NOS1AP: variants seen among roughly 807,000 people sequenced by gnomAD.
NOS1AP encodes the protein nitric oxide synthase 1 adaptor protein.
Under a neutral mutation model 56.2 loss-of-function variants are expected in NOS1AP, and 21 were observed. The ratio of observed to expected loss-of-function variants is 0.37; its 90% CI spans 0.26 to 0.54. NOS1AP has a LOEUF of 0.54. Among genes scored for constraint, NOS1AP ranks in the 20% least tolerant of loss-of-function variants. The pLI, the probability that NOS1AP is intolerant of heterozygous loss-of-function variation, is 0.84. For missense variants in NOS1AP, 522 were observed against 657.8 expected (o/e 0.79, Z 2.26); for synonymous variants, 270 against 274.6 (o/e 0.98, Z 0.17).
chr1:162,098,223 C>T (rs1692293724), intron 1 of NOS1AP, among the ~76,000 whole-genome samples: 1 of 150,376 alleles, frequency 6.6e-6, no homozygotes, highest in Admixed American at 6.7e-5. Flanking sequence ...CTTCCTGCCT[C>T]AGCCTTCTGA....
intron 1 of NOS1AP, among the ~76,000 whole-genome samples, chr1:162,116,213 T>C (rs1349673943): frequency 6.6e-6 from 1 of 152,200 alleles, no homozygotes; most frequent in Non-Finnish European, 1.5e-5. Flanking sequence ...GCAGTCTGTG[T>C]CACCATCGTC....
intron 4 of NOS1AP, among the ~76,000 whole-genome samples, chr1:162,310,169 C>T (rs571997279): frequency 1.2e-4 from 18 of 152,218 alleles, no homozygotes; most frequent in East Asian, 3.9e-4. Context: ...TCTCCATTCC[C>T]GTTAGACTCT....
At chr1:162,098,543 C>T (rs1050724960) in intron 1 of NOS1AP, among the ~76,000 whole-genome samples, 4 of 150,460 alleles carry the variant, frequency 2.7e-5, no homozygotes, top group Non-Finnish European at 5.9e-5. Context: ...GGTACATGTG[C>T]CAGATGTCCA....
intron 2 of NOS1AP, among the ~76,000 whole-genome samples, chr1:162,215,767 G>A (rs1020036021): frequency 2.0e-5 from 3 of 152,228 alleles, no homozygotes; most frequent in Non-Finnish European, 4.4e-5. Flanking sequence ...CTCAAGCCAG[G>A]ACTGTTGTGA....
chr1:162,200,889 G>A (rs1651970380), intron 2 of NOS1AP, among the ~76,000 whole-genome samples: 1 of 152,220 alleles, frequency 6.6e-6, no homozygotes, highest in Non-Finnish European at 1.5e-5. Context: ...ACACTGTGAT[G>A]AATTTAGAGC....
At chr1:162,180,990 C>T (rs1432453654) in intron 2 of NOS1AP, among the ~76,000 whole-genome samples, 1 of 152,244 alleles carries the variant, frequency 6.6e-6, no homozygotes, top group Non-Finnish European at 1.5e-5. Context: ...CAGCTATCCT[C>T]AAGGTCTATC....
At chr1:162,166,999 C>G (rs565261422) in intron 2 of NOS1AP, among the ~76,000 whole-genome samples, 1 of 152,174 alleles carries the variant, frequency 6.6e-6, no homozygotes, top group Non-Finnish European at 1.5e-5. Context: ...TGAGCAGAGC[C>G]CTGCTGCCTC....
intron 8 of NOS1AP, among the ~76,000 whole-genome samples, chr1:162,358,881 A>G (rs1657792575): frequency 6.6e-6 from 1 of 152,210 alleles, no homozygotes; most frequent in African/African-American, 2.4e-5. Flanking sequence ...GAGAGAAACT[A>G]TTTGCAAATG....
intron 2 of NOS1AP, among the ~76,000 whole-genome samples, chr1:162,184,223 T>A (rs1402406493): frequency 6.6e-6 from 1 of 152,176 alleles, no homozygotes; most frequent in African/African-American, 2.4e-5. Flanking sequence ...CATACACATT[T>A]ATGGATTAAG....
At chr1:162,230,759 T>A (rs766954233) in intron 2 of NOS1AP, among the ~76,000 whole-genome samples, 3 of 152,240 alleles carry the variant, frequency 2.0e-5, no homozygotes, top group Non-Finnish European at 4.4e-5. Flanking sequence ...TGTTTTTTTG[T>A]AATGGGCTTA....
intron 4 of NOS1AP, among the ~76,000 whole-genome samples, chr1:162,307,895 A>C (rs963932251): frequency 2.6e-5 from 4 of 152,190 alleles, no homozygotes; most frequent in African/African-American, 9.7e-5. Flanking sequence ...GAGCAAGTCA[A>C]AGTTAAATTA....
chr1:162,147,541 A>G (rs1239657837), intron 1 of NOS1AP, among the ~76,000 whole-genome samples: 1 of 152,146 alleles, frequency 6.6e-6, no homozygotes, highest in Non-Finnish European at 1.5e-5. Context: ...ACCAGGGGCC[A>G]CAACAGTAGA....
At chr1:162,198,977 A>G (rs552401897) in intron 2 of NOS1AP, among the ~76,000 whole-genome samples, 6 of 152,312 alleles carry the variant, frequency 3.9e-5, no homozygotes, top group African/African-American at 1.4e-4. Flanking sequence ...ACCCCTCCGC[A>G]TAATGCCCTG....
intron 2 of NOS1AP, among the ~76,000 whole-genome samples, chr1:162,216,734 A>T (rs1350755000): frequency 6.6e-6 from 1 of 152,216 alleles, no homozygotes; most frequent in Non-Finnish European, 1.5e-5. Context: ...TGTGATAAGA[A>T]TGTTATAAGA....
intron 2 of NOS1AP, among the ~76,000 whole-genome samples, chr1:162,172,007 C>T (rs1650810217): frequency 6.6e-6 from 1 of 152,208 alleles, no homozygotes; most frequent in South Asian, 2.1e-4. Context: ...GTTGGGGCTT[C>T]AGCCAGTGAG....
Position 162,327,550 on chromosome 1 carries a change from A to G in NOS1AP, c.345-5467A>G, listed in dbSNP as rs189269503. ...AGCAGATGGTCTGTGAGAACTTGGAAAAGGAAATCATGAACACTGAGAGCT... is the reference window on the plus strand; with the variant it reads ...AGCAGATGGTCTGTGAGAACTTGGAGAAGGAAATCATGAACACTGAGAGCT... On this transcript the variant is annotated intron_variant, in intron 4 of 9. Coordinates refer to ENST00000361897, the MANE Select transcript of NOS1AP (RefSeq NM_014697.3). Among the ~76,000 whole-genome samples the G allele has an allele frequency of 5.5e-4, 84 of 152,364 alleles. No individual in the cohort carries two copies. In the East Asian group the frequency reaches 0.014, roughly 25 times the overall value.
intron 2 of NOS1AP, among the ~76,000 whole-genome samples, chr1:162,274,323 TG>T (rs1229950123): frequency 1.3e-5 from 2 of 151,992 alleles, no homozygotes; most frequent in Non-Finnish European, 2.9e-5. Flanking sequence ...GTGGTTTATT[TG>T]GGGGAACTTA....
rs71581447 is a variant in NOS1AP at position 162,099,197 on chromosome 1, G to GTT, written c.105+28926_105+28927dup. ...TCTGTTACTTTTTGACTTTTTTTTT[G>GTT]TTTTTTTTTTTTGAGATGGAGTCTC... On this transcript the variant is annotated intron_variant, in intron 1 of 9. Coordinates refer to ENST00000361897, the MANE Select transcript of NOS1AP (RefSeq NM_014697.3). Among the ~76,000 whole-genome samples the GTT allele has an allele frequency of 3.2e-3, 455 of 141,296 alleles. 3 individuals carry two copies. The highest frequency in any genetic ancestry group is 4.3e-3 in the Non-Finnish European group (284 of 65,858). The allele number at this position is 141,296 out of a possible 152,430, so 92.7% of individuals were successfully genotyped here. A position where few individuals can be genotyped will look rare whatever the true frequency, so the allele number is the denominator to read the frequency against.
chr1:162,267,275 A>G (rs1014369209), intron 2 of NOS1AP, among the ~76,000 whole-genome samples: 15 of 152,128 alleles, frequency 9.9e-5, no homozygotes, highest in African/African-American at 3.6e-4. Flanking sequence ...TTTTGGCATC[A>G]CTAAAATTGG....
Sources: gnomAD v4.1 joint callset for allele counts (sites outside exome capture counted in the v4.1 genomes callset) on GRCh38, gnomAD v4.1.1 for gene constraint, MANE v1.5 for transcripts, NCBI Gene and HGNC (gene_info 2026-07-23, HGNC 2026-07-21) for gene names.